MYO5B: variants seen among roughly 807,000 people sequenced by gnomAD.
The protein encoded by MYO5B is unconventional myosin-Vb.
A neutral mutation model predicts 229.3 loss-of-function variants in MYO5B; 143 were observed. The observed-to-expected ratio is 0.62, with a 90% CI of 0.54 to 0.72. The LOEUF (loss-of-function observed/expected upper bound fraction) is 0.72. Among genes scored for constraint, MYO5B ranks in the 30% least tolerant of loss-of-function variants. The probability of loss-of-function intolerance (pLI) is 0.00; values close to 1 mark genes in which losing one functional copy is unlikely to be tolerated. For synonymous variants in MYO5B, 918 were observed against 885.2 expected (o/e 1.04, Z -0.66); for missense variants, 2,321 against 2,331.0 (o/e 1.00, Z 0.09).
chr18:49,977,892 T>C (rs186217218), intron 9 of MYO5B, among the ~76,000 whole-genome samples: 2 of 152,258 alleles, frequency 1.3e-5, no homozygotes, highest in African/African-American at 4.8e-5. Flanking sequence ...CAGGTGGTTA[T>C]CCACACTTTA....
intron 22 of MYO5B, among the ~76,000 whole-genome samples, chr18:49,886,219 A>C (rs1216043923): frequency 6.6e-6 from 1 of 152,168 alleles, no homozygotes. Context: ...GGGTTTACAG[A>C]TATGAGCCAC....
At chr18:50,110,776 T>C (rs958678109) in intron 1 of MYO5B, among the ~76,000 whole-genome samples, 1 of 152,166 alleles carries the variant, frequency 6.6e-6, no homozygotes, top group Non-Finnish European at 1.5e-5. Flanking sequence ...TTAAGGGCTA[T>C]AAACCACCTA....
At chr18:49,872,642 A>G (rs986985089) in intron 26 of MYO5B, among the ~76,000 whole-genome samples, 5 of 152,164 alleles carry the variant, frequency 3.3e-5, no homozygotes, top group Admixed American at 6.6e-5. Context: ...GGTGGACACT[A>G]ATCCAGTCGG....
intron 1 of MYO5B, among the ~76,000 whole-genome samples, chr18:50,093,110 G>T (rs1228487663): frequency 2.6e-5 from 4 of 151,526 alleles, no homozygotes; most frequent in Admixed American, 1.3e-4. Flanking sequence ...ATGAAAAGAT[G>T]CTCAACTTCC....
Position 49,864,252 on chromosome 18 carries a change from C to T in MYO5B, c.3732G>A (p.Leu1244=). The T allele has an allele frequency of 6.2e-7, 1 of 1,614,144 alleles. No individual in the cohort carries two copies. Among genetic ancestry groups the T allele is most frequent in the Non-Finnish European group, 8.5e-7 (1 of 1,180,040 alleles). Residue 1244 remains leucine (L), a synonymous_variant, in exon 28 of 40, where the codon CTG becomes CTA. Coordinates refer to ENST00000285039, the MANE Select transcript of MYO5B (RefSeq NM_001080467.3). ...HGSPDSYSLL[L]NQLKLAHEEL... ...CCTCGTGGGCCAGCTTGAGCTGGTT[C>T]AGCAGGAGGCTGTAGCTATCTGGGG... is the stretch of plus-strand genomic sequence containing the variant.
At chr18:49,856,953 A>T (rs2024270128) in intron 29 of MYO5B, 63 bp from the exon 30 acceptor site, 1 of 1,370,574 alleles carries the variant, frequency 7.3e-7, no homozygotes, top group Non-Finnish European at 1.0e-6. Context: ...GCAGGCAGGG[A>T]GTCCTGGAAA....
chr18:50,047,154 C>A (rs184851055), intron 2 of MYO5B, among the ~76,000 whole-genome samples: 335 of 152,276 alleles, frequency 2.2e-3, no homozygotes, highest in Non-Finnish European at 3.7e-3. Flanking sequence ...GAACAGACAA[C>A]CTACAGAATG....
chr18:50,162,775 T>C (rs2032787435), intron 1 of MYO5B, among the ~76,000 whole-genome samples: 1 of 152,200 alleles, frequency 6.6e-6, no homozygotes, highest in African/African-American at 2.4e-5. Flanking sequence ...GGCAGCACCA[T>C]CTGCAACCCA....
At position 49,857,407 on chromosome 18, in the gene MYO5B, T is replaced by C. The variant is rs574679040; in HGVS notation, c.3945-517A>G. 1.2e-4 allele frequency among the ~76,000 whole-genome samples: 18 copies of C among 152,190 alleles called. 1 individual carries two copies. The highest frequency in any genetic ancestry group is 2.5e-4 in the Non-Finnish European group (17 of 67,986). ...AACACATTGCATCTGCAGAGCAGCA[T>C]GGGAAGCCCCTGGGGGACGTCAGGC... On this transcript the variant is annotated intron_variant, in intron 29 of 39. Coordinates refer to ENST00000285039, the MANE Select transcript of MYO5B (RefSeq NM_001080467.3).
intron 26 of MYO5B, among the ~76,000 whole-genome samples, chr18:49,873,699 C>T (rs549098512): frequency 1.3e-5 from 2 of 152,180 alleles, no homozygotes; most frequent in African/African-American, 2.4e-5. Flanking sequence ...TGGAGGTCAC[C>T]TACTCAGACT....
chr18:49,896,729 G>A (rs764078564), intron 21 of MYO5B, among the ~76,000 whole-genome samples: 18 of 152,096 alleles, frequency 1.2e-4, no homozygotes, highest in Admixed American at 5.9e-4. Flanking sequence ...ACTCTAATGC[G>A]AAGTATGATG....
At chr18:49,948,440 A>G (rs1346505122) in intron 14 of MYO5B, among the ~76,000 whole-genome samples, 1 of 152,162 alleles carries the variant, frequency 6.6e-6, no homozygotes, top group Non-Finnish European at 1.5e-5. Flanking sequence ...CTCCTGTATC[A>G]TAAGGGAGAC....
intron 4 of MYO5B, among the ~76,000 whole-genome samples, chr18:50,024,976 A>G (rs1025612052): frequency 6.6e-6 from 1 of 152,140 alleles, no homozygotes; most frequent in Non-Finnish European, 1.5e-5. Context: ...GAGTGGGAAA[A>G]TGAAAATAAA....
At chr18:50,183,198 CTGTTAATAG>C (rs2033097257) in intron 1 of MYO5B, among the ~76,000 whole-genome samples, 1 of 151,514 alleles carries the variant, frequency 6.6e-6, no homozygotes, top group South Asian at 2.1e-4. Context: ...CCAAATTAGA[CTGTTAATAG>C]TACAGTTTCC....
At chr18:50,050,366 G>C (rs552752149) in intron 2 of MYO5B, among the ~76,000 whole-genome samples, 1 of 152,256 alleles carries the variant, frequency 6.6e-6, no homozygotes, top group South Asian at 2.1e-4. Flanking sequence ...ACGAGTCTGA[G>C]TGCACCAATA....
At chr18:49,885,166 A>G (rs1248882280) in intron 22 of MYO5B, among the ~76,000 whole-genome samples, 4 of 152,210 alleles carry the variant, frequency 2.6e-5, no homozygotes, top group Non-Finnish European at 5.9e-5. Context: ...TAGTCCACAC[A>G]AAAACTTGTA....
intron 31 of MYO5B, chr18:49,849,942 C>A: frequency 2.2e-6 from 1 of 456,990 alleles, no homozygotes; most frequent in Non-Finnish European, 4.1e-6. Context: ...CCTCCCCAAG[C>A]CAAGCCTCCT....
intron 14 of MYO5B, among the ~76,000 whole-genome samples, chr18:49,949,304 T>C (rs2025407622): frequency 6.6e-6 from 1 of 151,556 alleles, no homozygotes; most frequent in East Asian, 1.9e-4. Flanking sequence ...TTATTCCTTT[T>C]CACAATAAAT....
At chr18:50,107,456 C>T (rs1321139522) in intron 1 of MYO5B, among the ~76,000 whole-genome samples, 3 of 152,098 alleles carry the variant, frequency 2.0e-5, no homozygotes, top group Non-Finnish European at 4.4e-5. Flanking sequence ...GGAGTTCTAC[C>T]GTATTCTCAC....
Sources: allele counts gnomAD v4.1 joint callset (sites outside exome capture counted in the v4.1 genomes callset), GRCh38; gene constraint gnomAD v4.1.1; transcripts MANE v1.5; gene names NCBI Gene and HGNC (gene_info 2026-07-23, HGNC 2026-07-21).